Variants in ARHGAP42 observed in about 807,000 individuals in gnomAD.
ARHGAP42 encodes rho GTPase-activating protein 42.
In ARHGAP42, 63 loss-of-function variants were observed where a neutral mutation model predicts 125.0. The observed-to-expected ratio is 0.50, with a 90% CI of 0.41 to 0.62. The LOEUF is 0.62. Ranked by LOEUF, ARHGAP42 falls within the 20% of genes least tolerant of loss-of-function variation. The pLI is 0.00. For missense variants in ARHGAP42, 766 were observed against 1,024.2 expected (o/e 0.75, Z 3.44); for synonymous variants, 339 against 351.0 (o/e 0.97, Z 0.38).
chr11:100,730,596 C>A (rs1231815455), intron 1 of ARHGAP42, among the ~76,000 whole-genome samples: 1 of 152,134 alleles, frequency 6.6e-6, no homozygotes, highest in East Asian at 1.9e-4. Flanking sequence ...AAGCCTCATG[C>A]AAATGCTGAT....
chr11:100,946,016 C>A (rs1211840027), intron 10 of ARHGAP42, among the ~76,000 whole-genome samples: 2 of 152,074 alleles, frequency 1.3e-5, no homozygotes, highest in African/African-American at 2.4e-5. Flanking sequence ...ACTGTAGCCA[C>A]CTTCATCCAT....
intron 1 of ARHGAP42, among the ~76,000 whole-genome samples, chr11:100,715,467 C>A (rs1204518135): frequency 6.6e-6 from 1 of 152,158 alleles, no homozygotes; most frequent in African/African-American, 2.4e-5. Context: ...GCTTTCCTGA[C>A]ACTTGGGGAC....
chr11:100,936,138 A>G, intron 7 of ARHGAP42, 65 bp from the exon 8 acceptor site: 1 of 1,525,540 alleles, frequency 6.6e-7, no homozygotes, highest in Non-Finnish European at 8.9e-7. Flanking sequence ...ACAAAATATT[A>G]GTCTGGATGT....
At chr11:100,753,401 A>C (rs778415364) in intron 1 of ARHGAP42, among the ~76,000 whole-genome samples, 35 of 152,154 alleles carry the variant, frequency 2.3e-4, no homozygotes, top group Non-Finnish European at 5.0e-4. Flanking sequence ...CCTTGGAGAC[A>C]GGAACTGGCT....
intron 3 of ARHGAP42, among the ~76,000 whole-genome samples, chr11:100,855,499 A>T (rs1435678618): frequency 6.6e-6 from 1 of 152,072 alleles, no homozygotes; most frequent in Non-Finnish European, 1.5e-5. Context: ...AAGCACTGAA[A>T]ATTCCTATCA....
intron 14 of ARHGAP42, among the ~76,000 whole-genome samples, chr11:100,961,422 C>T (rs1177452626): frequency 6.6e-6 from 1 of 152,100 alleles, no homozygotes; most frequent in Non-Finnish European, 1.5e-5. Context: ...TAGAAGCATG[C>T]TAGGCACATG....
chr11:100,821,059 G>A (rs11224470), intron 3 of ARHGAP42, among the ~76,000 whole-genome samples: 27,807 of 151,802 alleles, frequency 0.18, 2,945 homozygotes, highest in African/African-American at 0.29. Flanking sequence ...CTTGGAGGAA[G>A]GCTTACAATC....
intron 12 of ARHGAP42, among the ~76,000 whole-genome samples, chr11:100,955,272 A>G (rs943837265): frequency 1.3e-5 from 2 of 152,142 alleles, no homozygotes; most frequent in Non-Finnish European, 2.9e-5. Context: ...TTGATTGAAT[A>G]TATTAAGTTG....
Position 100,921,608 on chromosome 11 carries a change from A to T in ARHGAP42, c.597+4A>T, listed in dbSNP as rs1249144179. On this transcript the variant is annotated splice_donor_region_variant and intron_variant, in intron 6 of 23. Transcript: ENST00000298815. ...GAAGTTTGAATTTGTTGAACCGGTAAGTTTCAGATTTTTGTATAAATGGTG... is the reference window on the plus strand; with the variant it reads ...GAAGTTTGAATTTGTTGAACCGGTATGTTTCAGATTTTTGTATAAATGGTG... The T allele has an allele frequency of 6.6e-7, 1 of 1,508,436 alleles. No individual in the cohort carries two copies. Among genetic ancestry groups the T allele is most frequent in the African/African-American group, 1.4e-5 (1 of 71,242 alleles). The allele number at this position is 1,508,436 out of a possible 1,614,324, so 93.4% of individuals were successfully genotyped here. A position where few individuals can be genotyped will look rare whatever the true frequency, so the allele number is the denominator to read the frequency against.
intron 12 of ARHGAP42, among the ~76,000 whole-genome samples, chr11:100,952,581 A>G (rs1397671624): frequency 6.6e-6 from 1 of 152,102 alleles, no homozygotes; most frequent in Non-Finnish European, 1.5e-5. Context: ...CCCAAACAGA[A>G]TCACTACCCT....
Position 100,987,500 on chromosome 11 carries a change from C to T in ARHGAP42, c.2457-13C>T. On this transcript the variant is annotated splice_polypyrimidine_tract_variant and intron_variant, in intron 22 of 23. Coordinates refer to ENST00000298815, the MANE Select transcript of ARHGAP42 (RefSeq NM_152432.4). Reference sequence around the variant, plus strand: ...GAGTGTTGAGGTTTTGACAAGTTGTCTTGCTCTTTCAGCCAAGCCAAAGCC... The same window carrying T: ...GAGTGTTGAGGTTTTGACAAGTTGTTTTGCTCTTTCAGCCAAGCCAAAGCC... The T allele has an allele frequency of 6.4e-7, 1 of 1,551,136 alleles. No homozygotes were observed.
chr11:100,929,351 A>T (rs1591302188), intron 6 of ARHGAP42, among the ~76,000 whole-genome samples: 1 of 152,236 alleles, frequency 6.6e-6, no homozygotes, highest in Non-Finnish European at 1.5e-5. Context: ...GCCACAAATG[A>T]CCTTTACTGG....
At chr11:100,690,491 C>T (rs1861169296) in intron 1 of ARHGAP42, among the ~76,000 whole-genome samples, 1 of 151,986 alleles carries the variant, frequency 6.6e-6, no homozygotes. Flanking sequence ...TTGGAAGGCT[C>T]CTTTAAATTG....
At chr11:100,940,491 G>A (rs1867849673) in intron 8 of ARHGAP42, among the ~76,000 whole-genome samples, 1 of 152,094 alleles carries the variant, frequency 6.6e-6, no homozygotes, top group Non-Finnish European at 1.5e-5. Flanking sequence ...CCTTGGTCAT[G>A]GAAACATTGA....
intron 1 of ARHGAP42, among the ~76,000 whole-genome samples, chr11:100,755,713 T>C (rs1327898210): frequency 6.6e-6 from 1 of 152,142 alleles, no homozygotes; most frequent in Non-Finnish European, 1.5e-5. Context: ...AGATATCAGG[T>C]TGAAGGTATC....
At chr11:100,779,557 C>CGTATATATACGTATACATACGT in intron 2 of ARHGAP42, among the ~76,000 whole-genome samples, 1 of 137,810 alleles carries the variant, frequency 7.3e-6, no homozygotes, top group South Asian at 2.2e-4. Flanking sequence ...TATACATATA[C>CGTATATATACGTATACATACGT]ATACGTATAT....
At position 100,965,069 on chromosome 11, in the gene ARHGAP42, A is replaced by T. The variant is rs567388855; in HGVS notation, c.1445-602A>T. 2.0e-5 allele frequency among the ~76,000 whole-genome samples: 3 copies of T among 152,254 alleles called. No individual in the cohort carries two copies. The East Asian group carries it at 5.8e-4, about 30-fold the overall frequency. On this transcript the variant is annotated intron_variant, in intron 16 of 23. Coordinates refer to ENST00000298815, the MANE Select transcript of ARHGAP42 (RefSeq NM_152432.4). ...CTCCTCACATGGCAGCAGGAGAGAG[A>T]AGTGCTGAGGAAAGGGGGAAAAGCC... is the stretch of plus-strand genomic sequence containing the variant.
intron 11 of ARHGAP42, 91 bp from the exon 12 acceptor site, chr11:100,949,824 CTT>C (rs1565290458): frequency 2.6e-6 from 2 of 778,318 alleles, no homozygotes; most frequent in Non-Finnish European, 1.9e-6. Context: ...TCAAGACACT[CTT>C]TTCATCTATT....
intron 4 of ARHGAP42, among the ~76,000 whole-genome samples, chr11:100,864,909 T>C (rs530428523): frequency 6.6e-6 from 1 of 152,346 alleles, no homozygotes; most frequent in South Asian, 2.1e-4. Context: ...AGGCACTTAA[T>C]GGTAACTTGT....
Sources: gnomAD v4.1 joint callset for allele counts (sites outside exome capture counted in the v4.1 genomes callset) on GRCh38, gnomAD v4.1.1 for gene constraint, MANE v1.5 for transcripts, NCBI Gene and HGNC (gene_info 2026-07-23, HGNC 2026-07-21) for gene names.